Variants in ZRANB3 observed in about 807,000 individuals in gnomAD.
The protein encoded by ZRANB3 is DNA annealing helicase and endonuclease ZRANB3.
ZRANB3 carries 125 observed loss-of-function variants against 133.8 expected under a neutral mutation model. That is an observed-to-expected ratio of 0.93 (90% CI 0.81 to 1.08). ZRANB3 has a LOEUF of 1.08. Ranked by LOEUF, ZRANB3 falls within the 50% of genes least tolerant of loss-of-function variation. ZRANB3 has a pLI of 0.00. For missense variants in ZRANB3, 1,229 were observed against 1,275.5 expected (o/e 0.96, Z 0.56); for synonymous variants, 387 against 432.7 (o/e 0.89, Z 1.31).
At chr2:135,307,874 TG>T (rs1419443921) in intron 8 of ZRANB3, among the ~76,000 whole-genome samples, 1 of 152,210 alleles carries the variant, frequency 6.6e-6, no homozygotes, top group Non-Finnish European at 1.5e-5. Context: ...CCCCCAGCAA[TG>T]GGATACTTCT....
chr2:135,205,851 A>G (rs1417709214), intron 19 of ZRANB3, among the ~76,000 whole-genome samples: 1 of 152,220 alleles, frequency 6.6e-6, no homozygotes, highest in Non-Finnish European at 1.5e-5. Flanking sequence ...GTGATGGACT[A>G]CATTTCTGGG....
At chr2:135,238,030 A>G (rs1205513952) in intron 12 of ZRANB3, among the ~76,000 whole-genome samples, 1 of 152,210 alleles carries the variant, frequency 6.6e-6, no homozygotes, top group Non-Finnish European at 1.5e-5. Flanking sequence ...AAGAAATGTT[A>G]TTTCTTTTGT....
At chr2:135,229,943 A>T (rs1422208644) in intron 13 of ZRANB3, among the ~76,000 whole-genome samples, 1 of 152,212 alleles carries the variant, frequency 6.6e-6, no homozygotes. Flanking sequence ...CTGACTTTAA[A>T]ATAATATGTT....
intron 12 of ZRANB3, among the ~76,000 whole-genome samples, chr2:135,251,709 C>A (rs1259283600): frequency 1.3e-5 from 2 of 152,224 alleles, no homozygotes; most frequent in South Asian, 2.1e-4. Flanking sequence ...GATTCTGAGG[C>A]CTTCTCAGCC....
chr2:135,323,960 G>C lies in ZRANB3; in HGVS notation c.678-8430C>G, dbSNP rs560904641. ...ATTTTTATATTTTTAGTACAGATGG[G>C]GTTTCGCCATGTTGGTCAGGCTGGT... On this transcript the variant is annotated intron_variant, in intron 6 of 20. Coordinates refer to ENST00000264159, the MANE Select transcript of ZRANB3 (RefSeq NM_032143.4). Among the ~76,000 whole-genome samples, 4 of 152,096 alleles carry C rather than the reference G, an allele frequency of 2.6e-5. No individual in the cohort carries two copies. The East Asian group carries it at 7.8e-4, about 30-fold the overall frequency.
intron 8 of ZRANB3, among the ~76,000 whole-genome samples, chr2:135,293,162 T>C (rs1027497059): frequency 4.6e-5 from 7 of 152,214 alleles, no homozygotes; most frequent in South Asian, 2.1e-4. Flanking sequence ...GGGGATGGCA[T>C]TGAATCTATA....
intron 9 of ZRANB3, among the ~76,000 whole-genome samples, chr2:135,273,783 C>T (rs1016611065): frequency 9.9e-5 from 15 of 152,056 alleles, no homozygotes; most frequent in Admixed American, 1.3e-4. Flanking sequence ...ATGATCTGCC[C>T]GCCTCGGCCT....
chr2:135,246,039 C>CTTTTTTTTTTTTTTT (rs569950745), intron 12 of ZRANB3, among the ~76,000 whole-genome samples: 1 of 100,424 alleles, frequency 1.0e-5, no homozygotes, highest in African/African-American at 4.0e-5. Context: ...TTCTTTCTTT[C>CTTTTTTTTTTTTTTT]TTTTTTTTTT....
chr2:135,279,797 T>G (rs1681012270), intron 8 of ZRANB3, among the ~76,000 whole-genome samples: 1 of 152,194 alleles, frequency 6.6e-6, no homozygotes, highest in Non-Finnish European at 1.5e-5. Flanking sequence ...TTCAATTACA[T>G]AACTGACTAA....
intron 6 of ZRANB3, among the ~76,000 whole-genome samples, chr2:135,336,132 T>A (rs2104853768): frequency 6.6e-6 from 1 of 152,320 alleles, no homozygotes; most frequent in East Asian, 1.9e-4. Flanking sequence ...GCATTTTGGA[T>A]AAGAGATGTT....
At chr2:135,437,470 G>GA (rs1474306928) in intron 2 of ZRANB3, among the ~76,000 whole-genome samples, 3 of 152,092 alleles carry the variant, frequency 2.0e-5, no homozygotes, top group Non-Finnish European at 4.4e-5. Context: ...ACAGTGACTG[G>GA]AAAAAACATA....
At chr2:135,421,431 G>A (rs1688836888) in intron 2 of ZRANB3, among the ~76,000 whole-genome samples, 1 of 152,272 alleles carries the variant, frequency 6.6e-6, no homozygotes, top group East Asian at 1.9e-4. Context: ...CTTTTACAAA[G>A]TAGACTTCAT....
chr2:135,516,241 C>T lies in ZRANB3; in HGVS notation c.-7-11745G>A, dbSNP rs138236343. On this transcript the variant is annotated intron_variant, in intron 1 of 20. Transcript: ENST00000264159. The stretch of plus-strand genomic sequence containing the variant: ...ATGGGTCTTGACTCTATCCAGTTTG[C>T]CAGTCTGTGTCTTTCAATTGGGGCA... Among the ~76,000 whole-genome samples, 571 of 152,138 alleles carry T rather than the reference C, an allele frequency of 3.8e-3. 4 individuals carry two copies. The highest frequency in any genetic ancestry group is 5.1e-3 in the Non-Finnish European group (349 of 68,010).
chr2:135,343,533 T>C (rs1192250842), intron 6 of ZRANB3, among the ~76,000 whole-genome samples: 1 of 149,656 alleles, frequency 6.7e-6, no homozygotes, highest in Non-Finnish European at 1.5e-5. Context: ...CTTTGTACTT[T>C]GGAGCCCTTT....
intron 2 of ZRANB3, among the ~76,000 whole-genome samples, chr2:135,395,597 A>G (rs1687454156): frequency 6.6e-6 from 1 of 152,044 alleles, no homozygotes; most frequent in South Asian, 2.1e-4. Flanking sequence ...AGCTAGGACA[A>G]CAGGCGCACA....
At chr2:135,361,492 TCA>T (rs1422578931) in intron 3 of ZRANB3, among the ~76,000 whole-genome samples, 2 of 152,250 alleles carry the variant, frequency 1.3e-5, no homozygotes, top group East Asian at 1.9e-4. Flanking sequence ...ACATAAAATT[TCA>T]GTTTCACTTT....
At chr2:135,382,460 AG>A (rs1686757578) in intron 3 of ZRANB3, among the ~76,000 whole-genome samples, 1 of 152,172 alleles carries the variant, frequency 6.6e-6, no homozygotes, top group African/African-American at 2.4e-5. Flanking sequence ...CTAGCAAGGC[AG>A]GCCAACATTC....
intron 2 of ZRANB3, among the ~76,000 whole-genome samples, chr2:135,483,626 G>C (rs1222230373): frequency 6.6e-6 from 1 of 151,914 alleles, no homozygotes; most frequent in African/African-American, 2.4e-5. Flanking sequence ...GTTCTGCTCT[G>C]ATTTTAATAT....
chr2:135,312,774 G>A (rs1171913453), intron 8 of ZRANB3, among the ~76,000 whole-genome samples: 1 of 152,042 alleles, frequency 6.6e-6, no homozygotes, highest in African/African-American at 2.4e-5. Flanking sequence ...CCAGCAGTTT[G>A]GAAAGCCAAG....
Sources: allele counts gnomAD v4.1 joint callset (sites outside exome capture counted in the v4.1 genomes callset), GRCh38; gene constraint gnomAD v4.1.1; transcripts MANE v1.5; gene names NCBI Gene and HGNC (gene_info 2026-07-23, HGNC 2026-07-21).